DCLK2: variants seen among roughly 807,000 people sequenced by gnomAD.
DCLK2 encodes the protein serine/threonine-protein kinase DCLK2.
DCLK2 carries 31 observed loss-of-function variants against 78.4 expected under a neutral mutation model. The ratio of observed to expected loss-of-function variants is 0.40; its 90% CI spans 0.30 to 0.53. The LOEUF (loss-of-function observed/expected upper bound fraction) is 0.53. Among genes scored for constraint, DCLK2 ranks in the 20% least tolerant of loss-of-function variants. DCLK2 has a pLI of 0.61. For synonymous variants in DCLK2, 407 were observed against 374.9 expected (o/e 1.09, Z -0.99); for missense variants, 872 against 973.7 (o/e 0.90, Z 1.39).
At chr4:150,187,866 CT>C (rs1738073721) in intron 2 of DCLK2, among the ~76,000 whole-genome samples, 1 of 146,036 alleles carries the variant, frequency 6.8e-6, no homozygotes, top group Non-Finnish European at 1.5e-5. Flanking sequence ...GTGGTGCGAT[CT>C]CGGCTCACTG....
chr4:150,140,725 GT>G (rs557930970), intron 2 of DCLK2, among the ~76,000 whole-genome samples: 1 of 152,068 alleles, frequency 6.6e-6, no homozygotes, highest in Non-Finnish European at 1.5e-5. Flanking sequence ...TTTAAAATGA[GT>G]TTTTTATAGG....
At chr4:150,175,510 G>A (rs1020724835) in intron 2 of DCLK2, 1 of 151,930 alleles carries the variant, frequency 6.6e-6, no homozygotes, top group Non-Finnish European at 1.5e-5. Flanking sequence ...TGGGACTCAC[G>A]ACAGACTAAG....
chr4:150,093,308 T>C (rs1158998989), intron 1 of DCLK2, among the ~76,000 whole-genome samples: 2 of 152,206 alleles, frequency 1.3e-5, no homozygotes, highest in East Asian at 3.8e-4. Flanking sequence ...AATTGGAAGA[T>C]TTAATATTGT....
intron 12 of DCLK2, among the ~76,000 whole-genome samples, chr4:150,243,379 G>A (rs760775895): frequency 2.0e-5 from 3 of 151,026 alleles, no homozygotes; most frequent in Non-Finnish European, 4.5e-5. Flanking sequence ...AATGTTAAAC[G>A]TGTGTTACCA....
At chr4:150,142,609 C>G (rs1734184152) in intron 2 of DCLK2, among the ~76,000 whole-genome samples, 1 of 152,086 alleles carries the variant, frequency 6.6e-6, no homozygotes, top group Non-Finnish European at 1.5e-5. Context: ...TTTATGGAAT[C>G]TGTTCTGGAG....
intron 2 of DCLK2, among the ~76,000 whole-genome samples, chr4:150,112,282 T>C (rs535864392): frequency 6.6e-6 from 1 of 152,346 alleles, no homozygotes; most frequent in South Asian, 2.1e-4. Flanking sequence ...TGTTGATGTA[T>C]AACAGTGCCA....
chr4:150,103,154 G>A (rs1364357796), intron 2 of DCLK2, among the ~76,000 whole-genome samples: 1 of 152,104 alleles, frequency 6.6e-6, no homozygotes, highest in African/African-American at 2.4e-5. Context: ...ATGAATAACT[G>A]TTGATTTGTA....
intron 15 of DCLK2, among the ~76,000 whole-genome samples, chr4:150,254,206 C>T (rs1183140009): frequency 6.6e-6 from 1 of 152,226 alleles, no homozygotes; most frequent in Non-Finnish European, 1.5e-5. Context: ...GCGGTGCAGA[C>T]TTGAGAAGGG....
At chr4:150,136,115 C>G (rs143097748) in intron 2 of DCLK2, among the ~76,000 whole-genome samples, 24 of 152,022 alleles carry the variant, frequency 1.6e-4, no homozygotes, top group African/African-American at 5.5e-4. Flanking sequence ...GGGAGTGAAA[C>G]CAAGGATGGA....
At position 150,174,956 on chromosome 4, in the gene DCLK2, A is replaced by G. The variant is rs1462396312; in HGVS notation, c.757-18182A>G. Among the ~76,000 whole-genome samples, 151 of 132,436 alleles carry G rather than the reference A, an allele frequency of 1.1e-3. 5 individuals are homozygous for G. The highest frequency in any genetic ancestry group is 6.2e-5 in the Non-Finnish European group (4 of 64,154). 86.9% of individuals were successfully genotyped at this position (132,436 alleles called of 152,430 possible). On this transcript the variant is annotated intron_variant, in intron 2 of 15. Transcript: ENST00000296550. Reference sequence around the variant, plus strand: ...GAGGTTGCAGTGAGCCGAGATCACAACATGGCACTCCAGCCTGGGTGATGG... The same window carrying G: ...GAGGTTGCAGTGAGCCGAGATCACAGCATGGCACTCCAGCCTGGGTGATGG...
intron 2 of DCLK2, among the ~76,000 whole-genome samples, chr4:150,128,196 G>A (rs187428918): frequency 1.3e-5 from 2 of 152,258 alleles, no homozygotes; most frequent in East Asian, 3.9e-4. Flanking sequence ...CATAGGAAAG[G>A]CCTCCAAAAC....
At chr4:150,254,510 G>T in intron 15 of DCLK2, 1 of 398,788 alleles carries the variant, frequency 2.5e-6, no homozygotes, top group Non-Finnish European at 4.4e-6. Flanking sequence ...GAAGAGAAAA[G>T]GAGAAATAAC....
intron 2 of DCLK2, among the ~76,000 whole-genome samples, chr4:150,185,166 A>C (rs543926913): frequency 6.6e-6 from 1 of 152,294 alleles, no homozygotes; most frequent in East Asian, 1.9e-4. Flanking sequence ...AATCATGCCA[A>C]AGGGGAAGAA....
At chr4:150,187,098 T>C (rs1738014707) in intron 2 of DCLK2, among the ~76,000 whole-genome samples, 1 of 152,216 alleles carries the variant, frequency 6.6e-6, no homozygotes, top group Non-Finnish European at 1.5e-5. Context: ...TGCATGCAGC[T>C]CACATATATA....
Position 150,256,339 on chromosome 4 carries a change from T to C in DCLK2, c.*92T>C. 4 of 1,427,494 alleles carry C rather than the reference T, an allele frequency of 2.8e-6. No homozygotes were observed. The South Asian group carries it at 4.4e-5, about 16-fold the overall frequency. 88.4% of individuals were successfully genotyped at this position (1,427,494 alleles called of 1,614,324 possible). A position where few individuals can be genotyped will look rare whatever the true frequency, so the allele number is the denominator to read the frequency against. ...GGCCTCCCTGCTGCAGGCCTCCCTC[T>C]CTTCACCGCCTGCGCCTGAGTTCGC... On this transcript the variant is annotated 3_prime_UTR_variant, in exon 16 of 16. Coordinates refer to ENST00000296550, the MANE Select transcript of DCLK2 (RefSeq NM_001040260.4).
At chr4:150,145,668 C>T (rs922262661) in intron 2 of DCLK2, among the ~76,000 whole-genome samples, 39 of 152,282 alleles carry the variant, frequency 2.6e-4, no homozygotes, top group African/African-American at 9.1e-4. Flanking sequence ...ACTTAGTTCT[C>T]ATGACACATT....
intron 1 of DCLK2, among the ~76,000 whole-genome samples, chr4:150,099,114 G>C (rs1269010194): frequency 6.6e-6 from 1 of 152,140 alleles, no homozygotes; most frequent in African/African-American, 2.4e-5. Flanking sequence ...AGTTGGCAAG[G>C]GAGTCACGAA....
chr4:150,191,615 T>C (rs1233332528), intron 2 of DCLK2, among the ~76,000 whole-genome samples: 1 of 152,174 alleles, frequency 6.6e-6, no homozygotes, highest in Non-Finnish European at 1.5e-5. Flanking sequence ...GAAAATACAG[T>C]TCTTAAAGGC....
chr4:150,082,353 T>C (rs1423102048), intron 1 of DCLK2, among the ~76,000 whole-genome samples: 1 of 152,204 alleles, frequency 6.6e-6, no homozygotes, highest in Non-Finnish European at 1.5e-5. Context: ...GAGTGAAGAA[T>C]AGAAAGTGAT....
Sources: gnomAD v4.1 joint callset for allele counts (sites outside exome capture counted in the v4.1 genomes callset) on GRCh38, gnomAD v4.1.1 for gene constraint, MANE v1.5 for transcripts, NCBI Gene and HGNC (gene_info 2026-07-23, HGNC 2026-07-21) for gene names.